The following DPP6 variants were observed in gnomAD, a reference collection of about 807,000 sequenced individuals.
The protein encoded by DPP6 is A-type potassium channel modulatory protein DPP6.
DPP6 carries 69 observed loss-of-function variants against 122.6 expected under a neutral mutation model. That is an observed-to-expected ratio of 0.56 (90% CI 0.46 to 0.69). DPP6 has a LOEUF of 0.69. Ranked by LOEUF, DPP6 falls within the 30% of genes least tolerant of loss-of-function variation. The pLI is 0.00. For synonymous variants in DPP6, 418 were observed against 433.1 expected, an observed-to-expected ratio of 0.97 and a Z score of 0.43; for missense variants, 928 against 1,116.9, an observed-to-expected ratio of 0.83 and a Z score of 2.41.
intron 8 of DPP6, among the ~76,000 whole-genome samples, chr7:154,751,999 C>T (rs1843419195): frequency 6.6e-6 from 1 of 152,102 alleles, no homozygotes; most frequent in Non-Finnish European, 1.5e-5. Context: ...AGGTGAGTCT[C>T]AGAGTACAAT....
At chr7:154,463,647 G>C (rs993035475) in intron 2 of DPP6, among the ~76,000 whole-genome samples, 6 of 152,062 alleles carry the variant, frequency 3.9e-5, no homozygotes, top group Admixed American at 3.9e-4. Context: ...CACTGCTACT[G>C]ATTATTTAGG....
chr7:154,779,256 C>T (rs1186073809), intron 10 of DPP6, among the ~76,000 whole-genome samples: 1 of 87,070 alleles, frequency 1.1e-5, no homozygotes, highest in East Asian at 8.0e-4. Flanking sequence ...ACCTCTGCTG[C>T]CACCACCCCT....
chr7:154,318,805 C>A (rs7800477), intron 1 of DPP6, among the ~76,000 whole-genome samples: 2 of 152,114 alleles, frequency 1.3e-5, no homozygotes, highest in Non-Finnish European at 2.9e-5. Context: ...CCCACCCCCC[C>A]CAAGCCATGG....
intron 1 of DPP6, among the ~76,000 whole-genome samples, chr7:153,940,112 CTGTCTGCA>C (rs1250220817): frequency 1.3e-5 from 2 of 152,184 alleles, no homozygotes; most frequent in Non-Finnish European, 2.9e-5. Context: ...TCTTTTGAGT[CTGTCTGCA>C]GGGAACAGGC....
chr7:153,916,703 G>A (rs969723196), intron 1 of DPP6, among the ~76,000 whole-genome samples: 4 of 151,940 alleles, frequency 2.6e-5, no homozygotes, highest in African/African-American at 4.8e-5. Context: ...TACTGCACCC[G>A]GCCTTCTTTT....
the DPP6 span, among the ~76,000 whole-genome samples, chr7:153,797,550 C>T: frequency 9.2e-5 from 14 of 152,118 alleles, no homozygotes; most frequent in African/African-American, 2.4e-4. Flanking sequence ...TTCAATGACT[C>T]AGTTGTGTCT....
Position 154,556,273 on chromosome 7 carries a change from G to A in DPP6, c.553-10569G>A, listed in dbSNP as rs150846644. ...GGCATAAAAAATTGAGAAATTTTCA[G>A]CATCTCTCATAGTGAATGGTATAAA... On this transcript the variant is annotated intron_variant, in intron 4 of 25. Coordinates refer to ENST00000377770, the MANE Select transcript of DPP6 (RefSeq NM_130797.4). Among the ~76,000 whole-genome samples, 514 of 152,240 alleles carry A rather than the reference G, an allele frequency of 3.4e-3. 7 individuals carry two copies. The highest frequency in any genetic ancestry group is 0.012 in the African/African-American group (493 of 41,548).
At chr7:154,269,802 T>C (rs995538871) in intron 1 of DPP6, among the ~76,000 whole-genome samples, 1 of 152,102 alleles carries the variant, frequency 6.6e-6, no homozygotes, top group Non-Finnish European at 1.5e-5. Context: ...TTTCTCTGAA[T>C]CTCAGAGGTA....
Position 153,900,238 on chromosome 7 carries a change from GTTT to G in DPP6, c.51+12516_51+12518del, listed in dbSNP as rs36001080. 1.8e-3 allele frequency among the ~76,000 whole-genome samples: 263 copies of G among 144,106 alleles called. 2 individuals are homozygous for G. Among genetic ancestry groups the G allele is most frequent in the African/African-American group, 6.4e-3 (251 of 39,328 alleles). The allele number at this position is 144,106 out of a possible 152,430, so 94.5% of individuals were successfully genotyped here. A position where few individuals can be genotyped will look rare whatever the true frequency, so the allele number is the denominator to read the frequency against. On this transcript the variant is annotated intron_variant, in intron 1 of 25. Transcript: ENST00000404039. ...GCTCAGTACTTTCTCCCATCTTTCT[GTTT>G]TTTTTTTTTTTCTGAGCCCTACAAA...
intron 8 of DPP6, 108 bp from the exon 9 acceptor site, chr7:154,769,309 C>A (rs1422613029): frequency 1.4e-6 from 2 of 1,417,908 alleles, no homozygotes; most frequent in Non-Finnish European, 1.9e-6. Context: ...AGATAAGGGG[C>A]TCTGCAGGGA....
chr7:154,134,514 G>A (rs565532783), intron 1 of DPP6, among the ~76,000 whole-genome samples: 22 of 151,650 alleles, frequency 1.5e-4, no homozygotes, highest in African/African-American at 3.6e-4. Flanking sequence ...GCTCCCTCCC[G>A]TCCCAGCACA....
rs537624311 is a variant in DPP6, at chr7:154,802,836, C to CAA, written c.1408-1011_1408-1010dup. On this transcript the variant is annotated intron_variant, in intron 13 of 25. Transcript: ENST00000377770. ...TGGGTGACAGAGTGAGACACTGTCT[C>CAA]AAAAAAAAAAAAAAAAAAGATTTAT... is the stretch of plus-strand genomic sequence containing the variant. Among the ~76,000 whole-genome samples the CAA allele has an allele frequency of 9.2e-3, 1,024 of 110,872 alleles. 9 individuals are homozygous for CAA. Among genetic ancestry groups the CAA allele is most frequent in the African/African-American group, 0.028 (901 of 32,742 alleles). The allele number at this position is 110,872 out of a possible 152,430, so 72.7% of individuals were successfully genotyped here. A position where few individuals can be genotyped will look rare whatever the true frequency, so the allele number is the denominator to read the frequency against.
the DPP6 span, among the ~76,000 whole-genome samples, chr7:153,849,270 G>C: frequency 7.3e-6 from 1 of 136,308 alleles, no homozygotes; most frequent in Non-Finnish European, 1.6e-5. Flanking sequence ...AGACATATAT[G>C]TTTTCTTTTT....
At chr7:154,261,012 C>T (rs1802980938) in intron 1 of DPP6, among the ~76,000 whole-genome samples, 1 of 152,044 alleles carries the variant, frequency 6.6e-6, no homozygotes. Flanking sequence ...TCTCCTGCCT[C>T]AGCCTCCCAA....
intron 1 of DPP6, among the ~76,000 whole-genome samples, chr7:153,954,186 A>C (rs1802350097): frequency 6.6e-6 from 1 of 152,216 alleles, no homozygotes; most frequent in African/African-American, 2.4e-5. Flanking sequence ...CTTACAAGAA[A>C]ATGTCCTTTG....
intron 8 of DPP6, among the ~76,000 whole-genome samples, chr7:154,765,410 A>G (rs915307181): frequency 6.6e-6 from 1 of 152,206 alleles, no homozygotes; most frequent in Admixed American, 6.5e-5. Flanking sequence ...GCAAATAGGA[A>G]ATAATAGTGG....
chr7:154,252,213 C>CATGT (rs1554501571), intron 1 of DPP6, among the ~76,000 whole-genome samples: 2 of 150,476 alleles, frequency 1.3e-5, no homozygotes, highest in African/African-American at 4.9e-5. Context: ...CACAATGTCA[C>CATGT]GTGTGTGTGT....
chr7:154,443,453 A>G (rs967211908), intron 1 of DPP6, among the ~76,000 whole-genome samples: 4 of 152,170 alleles, frequency 2.6e-5, no homozygotes, highest in African/African-American at 9.7e-5. Context: ...CTAACCTGGC[A>G]TAGTAAGCCC....
intron 7 of DPP6, among the ~76,000 whole-genome samples, chr7:154,700,094 G>A (rs79803229): frequency 0.023 from 3,506 of 152,312 alleles, 136 homozygotes; most frequent in African/African-American, 0.079. Flanking sequence ...AGTCTTCAGT[G>A]TTTGGTTAAT....
Sources: gnomAD v4.1 joint callset for allele counts (sites outside exome capture counted in the v4.1 genomes callset) on GRCh38, gnomAD v4.1.1 for gene constraint, MANE v1.5 for transcripts, NCBI Gene and HGNC (gene_info 2026-07-23, HGNC 2026-07-21) for gene names.